CCDC178: variants seen among roughly 807,000 people sequenced by gnomAD.
CCDC178 encodes the protein coiled-coil domain containing 178, also known as coiled-coil domain-containing protein 178.
Under a neutral mutation model 117.4 loss-of-function variants are expected in CCDC178, and 126 were observed. The ratio of observed to expected loss-of-function variants is 1.07; its 90% CI spans 0.93 to 1.24. CCDC178 has a LOEUF of 1.24. CCDC178 is among the 50% of genes most tolerant of loss of function. The pLI is 0.00. For missense variants in CCDC178, 1,030 were observed against 986.9 expected (o/e 1.04, Z -0.59); for synonymous variants, 283 against 313.4 (o/e 0.90, Z 1.02).
chr18:33,387,083 G>A (rs1457945876), intron 5 of CCDC178, among the ~76,000 whole-genome samples: 2 of 152,052 alleles, frequency 1.3e-5, no homozygotes, highest in Non-Finnish European at 2.9e-5. Context: ...CAGACAAGCA[G>A]AGAGCCAAAT....
At chr18:33,000,101 G>A (rs991427063) in intron 21 of CCDC178, among the ~76,000 whole-genome samples, 4 of 151,462 alleles carry the variant, frequency 2.6e-5, no homozygotes, top group African/African-American at 4.9e-5. Flanking sequence ...AAATACCATC[G>A]AGAAAGAATT....
intron 21 of CCDC178, among the ~76,000 whole-genome samples, chr18:33,064,923 T>C (rs529183811): frequency 6.6e-6 from 1 of 152,156 alleles, no homozygotes; most frequent in Non-Finnish European, 1.5e-5. Flanking sequence ...AGTAAAATAT[T>C]GTCATTTGAG....
chr18:33,361,904 G>T (rs1051999135), intron 6 of CCDC178, among the ~76,000 whole-genome samples: 1 of 151,632 alleles, frequency 6.6e-6, no homozygotes. Context: ...GGTTCCTAAA[G>T]AAATTAAAAA....
chr18:33,362,246 T>C (rs1223817554), intron 6 of CCDC178, among the ~76,000 whole-genome samples: 8 of 151,484 alleles, frequency 5.3e-5, no homozygotes, highest in Non-Finnish European at 1.2e-4. Context: ...GCCTGTTATT[T>C]GCCACAACAT....
intron 22 of CCDC178, among the ~76,000 whole-genome samples, chr18:32,940,914 C>T (rs764591319): frequency 3.3e-5 from 5 of 151,886 alleles, no homozygotes; most frequent in East Asian, 1.9e-4. Context: ...GTGTTAAGAA[C>T]GTTCTTGAGG....
At chr18:33,047,491 T>A (rs969676826) in intron 21 of CCDC178, among the ~76,000 whole-genome samples, 1 of 152,210 alleles carries the variant, frequency 6.6e-6, no homozygotes, top group Non-Finnish European at 1.5e-5. Context: ...TTTCAGGGCA[T>A]AAAATATTCT....
At chr18:33,067,250 C>A (rs2057032415) in intron 21 of CCDC178, among the ~76,000 whole-genome samples, 1 of 152,056 alleles carries the variant, frequency 6.6e-6, no homozygotes, top group Non-Finnish European at 1.5e-5. Flanking sequence ...AGATCTTGAA[C>A]AACCATTAGC....
intron 21 of CCDC178, among the ~76,000 whole-genome samples, chr18:33,066,501 C>G (rs1233198575): frequency 2.0e-5 from 3 of 152,054 alleles, no homozygotes; most frequent in African/African-American, 7.2e-5. Context: ...CCCCATGTAT[C>G]AATAATAACT....
At chr18:33,374,838 G>A (rs1280005720) in intron 5 of CCDC178, among the ~76,000 whole-genome samples, 3 of 152,150 alleles carry the variant, frequency 2.0e-5, no homozygotes, top group African/African-American at 7.2e-5. Flanking sequence ...GAATATTACA[G>A]ACATTTTCCT....
chr18:33,276,400 T>C (rs911410338), intron 12 of CCDC178, among the ~76,000 whole-genome samples: 1 of 151,960 alleles, frequency 6.6e-6, no homozygotes, highest in Non-Finnish European at 1.5e-5. Context: ...AAGTGGAGAT[T>C]CAGAGTTGGC....
In CCDC178 at chr18:33,179,059, T is replaced by TAAAAAA. The variant is rs757037955; in HGVS notation, c.2238+32831_2238+32836dup. Among the ~76,000 whole-genome samples the TAAAAAA allele has an allele frequency of 4.3e-3, 63 of 14,750 alleles. 13 individuals carry two copies. The highest frequency in any genetic ancestry group is 0.013 in the African/African-American group (31 of 2,378). 9.7% of individuals were successfully genotyped at this position (14,750 alleles called of 152,430 possible). ...CTTGATGGACTACTAAAGCACTCAG[T>TAAAAAA]AAAAAAAAAAAAAAAAAAAATATAT... is the stretch of plus-strand genomic sequence containing the variant. On this transcript the variant is annotated intron_variant, in intron 20 of 22. Transcript: ENST00000383096.
At chr18:33,218,181 C>T (rs1249318375) in intron 18 of CCDC178, among the ~76,000 whole-genome samples, 1 of 149,288 alleles carries the variant, frequency 6.7e-6, no homozygotes, top group African/African-American at 2.4e-5. Flanking sequence ...CCTATTGGAA[C>T]CACATTTGAC....
chr18:33,197,870 T>C (rs891804582), intron 20 of CCDC178, among the ~76,000 whole-genome samples: 2 of 152,228 alleles, frequency 1.3e-5, no homozygotes, highest in African/African-American at 2.4e-5. Flanking sequence ...ACAAAGGTTA[T>C]TGAAAAACAT....
chr18:33,418,206 T>C (rs2063972611), intron 2 of CCDC178, among the ~76,000 whole-genome samples: 1 of 152,148 alleles, frequency 6.6e-6, no homozygotes, highest in South Asian at 2.1e-4. Flanking sequence ...AAATTAATAA[T>C]GTCATTTATT....
chr18:32,962,596 CTCCA>C (rs2054727023), intron 22 of CCDC178, among the ~76,000 whole-genome samples: 1 of 151,910 alleles, frequency 6.6e-6, no homozygotes, highest in East Asian at 1.9e-4. Context: ...GTCTTCTAGT[CTCCA>C]TTTTTTCTGA....
chr18:32,973,058 T>G (rs879271258), intron 22 of CCDC178, among the ~76,000 whole-genome samples: 1 of 152,048 alleles, frequency 6.6e-6, no homozygotes, highest in African/African-American at 2.4e-5. Context: ...TCCACTGTTA[T>G]GTAACAGCCA....
At chr18:33,262,810 T>C (rs8094867) in intron 14 of CCDC178, among the ~76,000 whole-genome samples, 139,345 of 152,244 alleles carry the variant, frequency 0.92, 63,856 homozygotes, top group East Asian at 1. Context: ...TGTTATTATT[T>C]GACTGATTTA....
At chr18:33,025,096 C>A (rs1414965577) in intron 21 of CCDC178, among the ~76,000 whole-genome samples, 1 of 152,108 alleles carries the variant, frequency 6.6e-6, no homozygotes, top group Non-Finnish European at 1.5e-5. Context: ...CAGAGGTCAA[C>A]AACTGTATAT....
chr18:33,023,664 AG>A (rs2056167715), intron 21 of CCDC178, among the ~76,000 whole-genome samples: 1 of 152,190 alleles, frequency 6.6e-6, no homozygotes, highest in Non-Finnish European at 1.5e-5. Context: ...AAACATCCCA[AG>A]AAACTAGAAA....
Sources: gnomAD v4.1 joint callset for allele counts (sites outside exome capture counted in the v4.1 genomes callset) on GRCh38, gnomAD v4.1.1 for gene constraint, MANE v1.5 for transcripts, NCBI Gene and HGNC (gene_info 2026-07-23, HGNC 2026-07-21) for gene names.